The following LRRN2 variants were observed in gnomAD, a reference collection of about 807,000 sequenced individuals.
LRRN2 encodes leucine-rich repeat neuronal protein 2.
Under a neutral mutation model 35.7 loss-of-function variants are expected in LRRN2, and 10 were observed. That is an observed-to-expected ratio of 0.28 (90% CI 0.17 to 0.47). LRRN2 has a LOEUF of 0.47. Ranked by LOEUF, LRRN2 falls within the 20% of genes least tolerant of loss-of-function variation. The pLI is 0.99. For missense variants in LRRN2, 731 were observed against 940.3 expected, an observed-to-expected ratio of 0.78 and a Z score of 2.91; for synonymous variants, 391 against 409.6, an observed-to-expected ratio of 0.95 and a Z score of 0.55.
At chr1:204,625,132 T>C (rs977655596) in intron 1 of LRRN2, among the ~76,000 whole-genome samples, 10 of 152,192 alleles carry the variant, frequency 6.6e-5, no homozygotes, top group Admixed American at 2.0e-4. Context: ...AAATAACTTA[T>C]GTGAAGGAGG....
At chr1:204,634,255 G>T (rs779041457) in intron 1 of LRRN2, among the ~76,000 whole-genome samples, 1 of 152,312 alleles carries the variant, frequency 6.6e-6, no homozygotes, top group Non-Finnish European at 1.5e-5. Flanking sequence ...CCAGCCCTAT[G>T]TCCTGAATTG....
chr1:204,664,212 A>C (rs17413714), intron 1 of LRRN2: 29,709 of 152,320 alleles, frequency 0.2, 3,280 homozygotes, highest in East Asian at 0.3. Flanking sequence ...AAAGCATTGC[A>C]GAAGAAAACA....
intron 1 of LRRN2, among the ~76,000 whole-genome samples, chr1:204,630,382 G>A (rs529399761): frequency 6.6e-6 from 1 of 152,278 alleles, no homozygotes; most frequent in South Asian, 2.1e-4. Context: ...AGAGAATGGG[G>A]AGCAGCCCAG....
At chr1:204,663,882 AAAC>A (rs1558419984) in intron 1 of LRRN2, 1 of 152,240 alleles carries the variant, frequency 6.6e-6, no homozygotes, top group Non-Finnish European at 1.5e-5. Context: ...AGAAAAATGA[AAAC>A]AGTGCACAGG....
In LRRN2 at chr1:204,639,391, C is replaced by T. The variant is rs1215037456; in HGVS notation, c.-226-19173G>A. Among the ~76,000 whole-genome samples, 6 of 152,208 alleles carry T rather than the reference C, an allele frequency of 3.9e-5. 1 individual carries two copies. Among genetic ancestry groups the T allele is most frequent in the East Asian group, 3.9e-4 (2 of 5,176 alleles). ...GCTCATGCCTGTAATCCCAGCACTT[C>T]GGGAGGCCCAGTTGGGAGGATCACT... On this transcript the variant is annotated intron_variant, in intron 1 of 1. Coordinates refer to ENST00000367177, the MANE Select transcript of LRRN2 (RefSeq NM_201630.2).
intron 1 of LRRN2, among the ~76,000 whole-genome samples, chr1:204,677,243 G>A (rs1253428251): frequency 2.0e-5 from 3 of 152,222 alleles, no homozygotes; most frequent in Non-Finnish European, 4.4e-5. Context: ...AAGCCCCAGG[G>A]TCAGCCTCTG....
chr1:204,653,969 G>A (rs770878786), intron 1 of LRRN2, among the ~76,000 whole-genome samples: 73 of 149,322 alleles, frequency 4.9e-4, no homozygotes, highest in Non-Finnish European at 9.2e-4. Context: ...CTAGGAGTTC[G>A]AGGCTGCAGT....
intron 1 of LRRN2, among the ~76,000 whole-genome samples, chr1:204,681,564 G>T (rs952898459): frequency 2.6e-5 from 4 of 152,172 alleles, no homozygotes; most frequent in Non-Finnish European, 5.9e-5. Context: ...CAGCTGTGTG[G>T]CTCTAGAATC....
chr1:204,660,872 C>T (rs144812160), intron 1 of LRRN2, among the ~76,000 whole-genome samples: 2,012 of 152,280 alleles, frequency 0.013, 45 homozygotes, highest in South Asian at 0.035. Flanking sequence ...AAGCCATATA[C>T]TACAAATGAG....
At chr1:204,626,768 C>CAA (rs1417690269) in intron 1 of LRRN2, 1 of 152,166 alleles carries the variant, frequency 6.6e-6, no homozygotes. Flanking sequence ...CTGTGAATCA[C>CAA]AACCCATTAG....
rs141394874 is a variant in LRRN2 at position 204,652,459 on chromosome 1, T to A, written c.-226-32241A>T. Among the ~76,000 whole-genome samples the A allele has an allele frequency of 5.6e-3, 853 of 152,182 alleles. 13 individuals are homozygous for A. The highest frequency in any genetic ancestry group is 0.019 in the African/African-American group (787 of 41,492). On this transcript the variant is annotated intron_variant, in intron 1 of 1. Coordinates refer to ENST00000367177, the MANE Select transcript of LRRN2 (RefSeq NM_201630.2). ...GGACCGAGCTAAAGTTTTGGCTCCT[T>A]GTCTCATTATCTGGATGATGCCTGG...
intron 1 of LRRN2, among the ~76,000 whole-genome samples, chr1:204,625,012 G>A (rs1181391394): frequency 6.6e-6 from 1 of 152,246 alleles, no homozygotes. Context: ...TGGGAGGTAA[G>A]CCTGGCCCCT....
intron 1 of LRRN2, among the ~76,000 whole-genome samples, chr1:204,650,574 T>A (rs997712289): frequency 1.3e-5 from 2 of 152,070 alleles, no homozygotes; most frequent in African/African-American, 4.8e-5. Flanking sequence ...GGGCCTGGCA[T>A]CCAGGAGGGG....
intron 1 of LRRN2, among the ~76,000 whole-genome samples, chr1:204,684,702 G>A (rs1669028996): frequency 6.6e-6 from 1 of 152,048 alleles, no homozygotes; most frequent in South Asian, 2.1e-4. Context: ...TGAGCCCCAG[G>A]CCGGCCCATC....
intron 1 of LRRN2, among the ~76,000 whole-genome samples, chr1:204,678,114 G>C (rs1668866339): frequency 6.6e-6 from 1 of 152,156 alleles, no homozygotes; most frequent in African/African-American, 2.4e-5. Context: ...CTCCCACACA[G>C]AGCTCACAGT....
At chr1:204,684,897 G>A (rs1669034319) in intron 1 of LRRN2, among the ~76,000 whole-genome samples, 1 of 152,170 alleles carries the variant, frequency 6.6e-6, no homozygotes, top group Non-Finnish European at 1.5e-5. Context: ...CTGCCAGTCC[G>A]CCCGTGTCAC....
Position 204,662,979 on chromosome 1 carries a change from G to A in LRRN2, c.-227+22341C>T, listed in dbSNP as rs1463082366. 3.3e-5 allele frequency among the ~76,000 whole-genome samples: 5 copies of A among 152,298 alleles called. No homozygotes were observed. The East Asian group carries it at 9.6e-4, about 29-fold the overall frequency. On this transcript the variant is annotated intron_variant, in intron 1 of 1. Transcript: ENST00000367177. ...AAATGGAGGCCCAGAAAGCTTTGGTGAGCAGCTCGAGATTACATAGGACAT... is the reference window on the plus strand; with the variant it reads ...AAATGGAGGCCCAGAAAGCTTTGGTAAGCAGCTCGAGATTACATAGGACAT...
At chr1:204,676,352 T>C (rs954326282) in intron 1 of LRRN2, among the ~76,000 whole-genome samples, 3 of 127,978 alleles carry the variant, frequency 2.3e-5, no homozygotes, top group Non-Finnish European at 5.1e-5. Flanking sequence ...TCAGAAAACA[T>C]AGGATCTTAG....
intron 1 of LRRN2, among the ~76,000 whole-genome samples, chr1:204,669,556 A>T (rs1172017643): frequency 6.6e-6 from 1 of 152,242 alleles, no homozygotes; most frequent in African/African-American, 2.4e-5. Flanking sequence ...GGACATTGTG[A>T]GAGTGTTTAA....
Sources: gnomAD v4.1 joint callset for allele counts (sites outside exome capture counted in the v4.1 genomes callset) on GRCh38, gnomAD v4.1.1 for gene constraint, MANE v1.5 for transcripts, NCBI Gene and HGNC (gene_info 2026-07-23, HGNC 2026-07-21) for gene names.